Variants in PRKG1 observed in about 807,000 individuals in gnomAD.
PRKG1 encodes the protein cGMP-dependent protein kinase 1.
Under a neutral mutation model 88.1 loss-of-function variants are expected in PRKG1, and 35 were observed. The observed-to-expected ratio is 0.40, with a 90% CI of 0.30 to 0.53. The LOEUF (loss-of-function observed/expected upper bound fraction) is 0.53, where lower values mean the gene tolerates loss of function less well. Ranked by LOEUF, PRKG1 falls within the 20% of genes least tolerant of loss-of-function variation. The pLI is 0.59. For synonymous variants in PRKG1, 303 were observed against 292.5 expected (o/e 1.04, Z -0.37); for missense variants, 540 against 839.8 (o/e 0.64, Z 4.41).
rs186737525 is a variant in PRKG1, at chr10:51,729,490, C to T, written c.593-75095C>T. Among the ~76,000 whole-genome samples the T allele has an allele frequency of 4.2e-4, 63 of 151,780 alleles. No individual in the cohort carries two copies. The East Asian group carries it at 0.011, about 26-fold the overall frequency. On this transcript the variant is annotated intron_variant, in intron 3 of 17. Coordinates refer to ENST00000373980, the MANE Select transcript of PRKG1 (RefSeq NM_006258.4). ...ATCCCAGCACTTTGGGAGGCCAAGGCGGGCTCAGGAGTTCGAGACCAGCCT... is the reference window on the plus strand; with the variant it reads ...ATCCCAGCACTTTGGGAGGCCAAGGTGGGCTCAGGAGTTCGAGACCAGCCT...
chr10:51,868,188 G>C (rs1440863973), intron 4 of PRKG1, among the ~76,000 whole-genome samples: 2 of 152,162 alleles, frequency 1.3e-5, no homozygotes, highest in Non-Finnish European at 2.9e-5. Context: ...ATACAAAGAT[G>C]GGATTTGATT....
At chr10:51,340,887 A>G (rs1841989754) in intron 2 of PRKG1, among the ~76,000 whole-genome samples, 1 of 152,200 alleles carries the variant, frequency 6.6e-6, no homozygotes, top group South Asian at 2.1e-4. Context: ...TCCATATTAA[A>G]AAGATTAAAA....
chr10:51,398,538 AG>A (rs1488874373), intron 2 of PRKG1, among the ~76,000 whole-genome samples: 1 of 152,214 alleles, frequency 6.6e-6, no homozygotes, highest in Admixed American at 6.5e-5. Context: ...AGTGGGCTAA[AG>A]AGTGACCATG....
chr10:51,821,412 T>A (rs945769689), intron 4 of PRKG1, among the ~76,000 whole-genome samples: 1 of 152,114 alleles, frequency 6.6e-6, no homozygotes, highest in African/African-American at 2.4e-5. Context: ...ATAACTTTTA[T>A]AGATAGTGCT....
intron 3 of PRKG1, among the ~76,000 whole-genome samples, chr10:51,787,146 A>T (rs1203305816): frequency 6.6e-6 from 1 of 152,132 alleles, no homozygotes; most frequent in African/African-American, 2.4e-5. Context: ...AATCCCTCTA[A>T]GCCTTTTGTC....
rs114059191 is a variant in PRKG1 at position 51,804,344 on chromosome 10, G to A, written c.593-241G>A. ...CAAGGGTCATAGAGCAAGGGCAACA[G>A]GAATCTTCCTAGTAGATAATAATGC... is the stretch of plus-strand genomic sequence containing the variant. On this transcript the variant is annotated intron_variant, in intron 3 of 17. Transcript: ENST00000373980. 2.7e-3 allele frequency among the ~76,000 whole-genome samples: 414 copies of A among 152,120 alleles called. 2 individuals carry two copies. Among genetic ancestry groups the A allele is most frequent in the African/African-American group, 9.3e-3 (388 of 41,512 alleles).
intron 5 of PRKG1, among the ~76,000 whole-genome samples, chr10:51,911,872 C>T (rs1051050824): frequency 6.6e-6 from 1 of 152,166 alleles, no homozygotes; most frequent in African/African-American, 2.4e-5. Flanking sequence ...GAAAGCAGTA[C>T]CATTAAAGCC....
chr10:52,025,092 AT>A (rs1589530214), intron 5 of PRKG1, among the ~76,000 whole-genome samples: 2 of 152,062 alleles, frequency 1.3e-5, no homozygotes, highest in South Asian at 4.1e-4. Context: ...GATGATGAGC[AT>A]TTTTTCATGT....
At chr10:51,500,083 A>G (rs955817363) in intron 3 of PRKG1, among the ~76,000 whole-genome samples, 1 of 152,194 alleles carries the variant, frequency 6.6e-6, no homozygotes, top group Non-Finnish European at 1.5e-5. Flanking sequence ...AGGATTCAAT[A>G]TTTATTTTTT....
At chr10:51,934,056 G>C (rs930751058) in intron 5 of PRKG1, among the ~76,000 whole-genome samples, 1 of 152,078 alleles carries the variant, frequency 6.6e-6, no homozygotes, top group Non-Finnish European at 1.5e-5. Context: ...CAAGGGACTA[G>C]CTAGAAATGC....
At chr10:51,911,849 A>G (rs1842224021) in intron 5 of PRKG1, among the ~76,000 whole-genome samples, 1 of 152,226 alleles carries the variant, frequency 6.6e-6, no homozygotes, top group Non-Finnish European at 1.5e-5. Context: ...AGAACCCCAG[A>G]TAATTTTGAA....
chr10:51,072,432 G>A (rs1843845279), upstream of PRKG1, among the ~76,000 whole-genome samples: 1 of 152,012 alleles, frequency 6.6e-6, no homozygotes. Flanking sequence ...TTGGCCTTTT[G>A]CCCAGAAGAA....
chr10:51,999,689 A>G (rs1844543974), intron 5 of PRKG1, among the ~76,000 whole-genome samples: 1 of 152,224 alleles, frequency 6.6e-6, no homozygotes, highest in Non-Finnish European at 1.5e-5. Context: ...GAGTTTATAT[A>G]TATTTACTTT....
chr10:52,025,800 T>C (rs931927813), intron 5 of PRKG1, among the ~76,000 whole-genome samples: 1 of 151,922 alleles, frequency 6.6e-6, no homozygotes, highest in African/African-American at 2.4e-5. Flanking sequence ...ATGCGGGCTC[T>C]TTTTTGATTC....
At chr10:52,032,850 T>G (rs1845505091) in intron 5 of PRKG1, among the ~76,000 whole-genome samples, 1 of 152,140 alleles carries the variant, frequency 6.6e-6, no homozygotes, top group Non-Finnish European at 1.5e-5. Context: ...CCTTTCTGCG[T>G]GTTTAAATGG....
chr10:51,931,481 T>C (rs1428493908), intron 5 of PRKG1, among the ~76,000 whole-genome samples: 1 of 152,022 alleles, frequency 6.6e-6, no homozygotes, highest in Non-Finnish European at 1.5e-5. Flanking sequence ...TGAAATAAAA[T>C]GCTAAAGATG....
chr10:52,031,654 G>A (rs781652917), intron 5 of PRKG1, among the ~76,000 whole-genome samples: 1 of 152,130 alleles, frequency 6.6e-6, no homozygotes, highest in South Asian at 2.1e-4. Context: ...TTGGTTATGC[G>A]TTCTAAGCAT....
chr10:51,745,508 A>G (rs569385637), intron 3 of PRKG1, among the ~76,000 whole-genome samples: 13 of 152,156 alleles, frequency 8.5e-5, no homozygotes, highest in Admixed American at 4.6e-4. Flanking sequence ...TTTTAGATAC[A>G]TTAAATTATC....
At chr10:51,422,891 T>G (rs1043174183) in intron 2 of PRKG1, among the ~76,000 whole-genome samples, 2 of 152,098 alleles carry the variant, frequency 1.3e-5, no homozygotes, top group African/African-American at 4.8e-5. Flanking sequence ...TGCTTCTGGT[T>G]TGAGGGAGGG....
Sources: allele counts gnomAD v4.1 joint callset (sites outside exome capture counted in the v4.1 genomes callset), GRCh38; gene constraint gnomAD v4.1.1; transcripts MANE v1.5; gene names NCBI Gene and HGNC (gene_info 2026-07-23, HGNC 2026-07-21).